CHL1: variants seen among roughly 807,000 people sequenced by gnomAD.
CHL1 encodes the protein neural cell adhesion molecule L1-like protein.
CHL1 carries 96 observed loss-of-function variants against 141.9 expected under a neutral mutation model. The observed-to-expected ratio is 0.68, with a 90% CI of 0.57 to 0.80. The LOEUF (loss-of-function observed/expected upper bound fraction) is 0.80, where lower values mean the gene tolerates loss of function less well. Among genes scored for constraint, CHL1 ranks in the 30% least tolerant of loss-of-function variants. The probability of loss-of-function intolerance (pLI) is 0.00; values close to 1 mark genes in which losing one functional copy is unlikely to be tolerated. For missense variants in CHL1, 1,820 were observed against 1,457.2 expected (o/e 1.25, Z -4.05); for synonymous variants, 613 against 502.2 (o/e 1.22, Z -2.95).
intron 1 of CHL1, among the ~76,000 whole-genome samples, chr3:208,034 T>G (rs1474035953): frequency 6.6e-6 from 1 of 152,176 alleles, no homozygotes; most frequent in Admixed American, 6.5e-5. Context: ...CAATCAAGTA[T>G]AAAAACTGGT....
chr3:389,702 G>T (rs1708067399), intron 20 of CHL1, among the ~76,000 whole-genome samples: 1 of 152,142 alleles, frequency 6.6e-6, no homozygotes, highest in Non-Finnish European at 1.5e-5. Context: ...ATTTTATTCA[G>T]TTTCCTATAA....
chr3:265,628 A>C (rs1431580709), intron 2 of CHL1, among the ~76,000 whole-genome samples: 1 of 152,186 alleles, frequency 6.6e-6, no homozygotes, highest in African/African-American at 2.4e-5. Flanking sequence ...ATGTTACTAG[A>C]ATTCTATTCA....
chr3:375,225 A>C (rs917071354), intron 15 of CHL1, among the ~76,000 whole-genome samples: 1 of 152,156 alleles, frequency 6.6e-6, no homozygotes, highest in Non-Finnish European at 1.5e-5. Context: ...CATGGCTATG[A>C]AACCATTTTT....
chr3:302,022 G>A (rs1575004722), intron 2 of CHL1, among the ~76,000 whole-genome samples: 1 of 152,172 alleles, frequency 6.6e-6, no homozygotes, highest in South Asian at 2.1e-4. Flanking sequence ...TCTTGTGATA[G>A]CTTGCTGAGA....
At chr3:393,587 G>T (rs1032138397) in intron 23 of CHL1, among the ~76,000 whole-genome samples, 6 of 151,808 alleles carry the variant, frequency 4.0e-5, no homozygotes, top group African/African-American at 1.5e-4. Flanking sequence ...TAATTATTTT[G>T]CTTTCTATTA....
intron 2 of CHL1, among the ~76,000 whole-genome samples, chr3:272,270 T>C (rs1308766581): frequency 2.0e-5 from 3 of 152,206 alleles, no homozygotes; most frequent in African/African-American, 7.2e-5. Context: ...GGGTTTACAT[T>C]AGTTGTTGCA....
intron 2 of CHL1, among the ~76,000 whole-genome samples, chr3:255,847 G>A (rs980155122): frequency 6.6e-6 from 1 of 152,144 alleles, no homozygotes; most frequent in African/African-American, 2.4e-5. Context: ...TGTTTGTCGT[G>A]GTAGTTGCTC....
chr3:354,750 G>A lies in CHL1; in HGVS notation c.1144G>A (p.Val382Ile), dbSNP rs1195301845. The change falls in exon 11 of 28, where the codon GTC becomes ATC. Residue 382 changes from valine to isoleucine, a missense_variant. Val to Ile is a conservative substitution (Grantham distance 29, BLOSUM62 3). Coordinates refer to ENST00000256509, the MANE Select transcript of CHL1 (RefSeq NM_006614.4). ...ACCTCAACCCACAATCAAGTGGAGA[G>A]TCAATGGCTCCCCAGTTGACAGTAA... ...GEPQPTIKWR[V>I]NGSPVDNHPF... The A allele has an allele frequency of 6.2e-7, 1 of 1,613,682 alleles. No individual in the cohort carries two copies. Among genetic ancestry groups the A allele is most frequent in the Non-Finnish European group, 8.5e-7 (1 of 1,179,834 alleles).
At position 340,711 on chromosome 3, in the gene CHL1, A is replaced by G. The variant is rs894793146; in HGVS notation, c.386-83A>G. 8.6e-6 allele frequency: 10 copies of G among 1,165,152 alleles called. No homozygotes were observed. The African/African-American group carries it at 1.1e-4, about 13-fold the overall frequency. 72.2% of individuals were successfully genotyped at this position (1,165,152 alleles called of 1,614,324 possible). On this transcript the variant is annotated intron_variant, in intron 5 of 27. Transcript: ENST00000256509. ...AATTTATTTAAATTGCTGAATTTTG[A>G]AAAAAAAGAACATATTAAGATATTT...
chr3:265,075 C>G (rs1407271581), intron 2 of CHL1, among the ~76,000 whole-genome samples: 1 of 152,230 alleles, frequency 6.6e-6, no homozygotes, highest in Non-Finnish European at 1.5e-5. Flanking sequence ...CAACCATTTA[C>G]TAGGCTTATT....
intron 2 of CHL1, among the ~76,000 whole-genome samples, chr3:257,712 T>C (rs1413875438): frequency 6.6e-6 from 1 of 152,180 alleles, no homozygotes; most frequent in African/African-American, 2.4e-5. Flanking sequence ...CACAGGTCTA[T>C]TTAAAATTGT....
At chr3:209,259 A>G (rs1276945083) in intron 1 of CHL1, among the ~76,000 whole-genome samples, 1 of 152,234 alleles carries the variant, frequency 6.6e-6, no homozygotes, top group Non-Finnish European at 1.5e-5. Flanking sequence ...AGCAGATGAC[A>G]AAGTATAAAC....
At chr3:214,686 A>G (rs1700163834) in intron 1 of CHL1, among the ~76,000 whole-genome samples, 1 of 152,204 alleles carries the variant, frequency 6.6e-6, no homozygotes, top group South Asian at 2.1e-4. Context: ...GATAGCCCTT[A>G]CATAATGTAT....
chr3:272,083 A>G (rs1170125945), intron 2 of CHL1, among the ~76,000 whole-genome samples: 6 of 152,250 alleles, frequency 3.9e-5, no homozygotes, highest in Non-Finnish European at 8.8e-5. Context: ...AATAACATTC[A>G]TATAGATAAT....
chr3:323,396 G>A (rs1700750831), intron 3 of CHL1, among the ~76,000 whole-genome samples: 1 of 151,996 alleles, frequency 6.6e-6, no homozygotes, highest in African/African-American at 2.4e-5. Context: ...TCAATGTTTG[G>A]AAGACACAAA....
chr3:304,629 C>G (rs191762316), intron 2 of CHL1, among the ~76,000 whole-genome samples: 2 of 152,166 alleles, frequency 1.3e-5, no homozygotes, highest in East Asian at 3.9e-4. Flanking sequence ...ATTCTTCTCT[C>G]TTTTCTTCTT....
chr3:349,073 C>T (rs1703009904), intron 9 of CHL1, among the ~76,000 whole-genome samples: 1 of 152,228 alleles, frequency 6.6e-6, no homozygotes, highest in Non-Finnish European at 1.5e-5. Flanking sequence ...CGCTCAGCCA[C>T]ACCTAGTCAG....
intron 9 of CHL1, among the ~76,000 whole-genome samples, chr3:347,689 T>C (rs1489727128): frequency 1.3e-5 from 2 of 152,148 alleles, no homozygotes; most frequent in African/African-American, 4.8e-5. Context: ...ACTTGGCAAA[T>C]TGTCATTTTG....
intron 1 of CHL1, among the ~76,000 whole-genome samples, chr3:224,527 C>T (rs888060717): frequency 1.3e-5 from 2 of 151,922 alleles, no homozygotes; most frequent in Non-Finnish European, 2.9e-5. Context: ...GGTGGCTCCT[C>T]CCCAACTAAG....
Sources: allele counts gnomAD v4.1 joint callset (sites outside exome capture counted in the v4.1 genomes callset), GRCh38; gene constraint gnomAD v4.1.1; transcripts MANE v1.5; gene names NCBI Gene and HGNC (gene_info 2026-07-23, HGNC 2026-07-21).